TRHDE: variants seen among roughly 807,000 people sequenced by gnomAD.
TRHDE encodes the protein thyrotropin releasing hormone degrading enzyme, also known as thyrotropin-releasing hormone-degrading ectoenzyme.
Under a neutral mutation model 125.7 loss-of-function variants are expected in TRHDE, and 72 were observed. The ratio of observed to expected loss-of-function variants is 0.57; its 90% CI spans 0.47 to 0.70. The LOEUF (loss-of-function observed/expected upper bound fraction) is 0.70, where lower values mean the gene tolerates loss of function less well. TRHDE is among the 30% of genes least tolerant of loss of function. TRHDE has a pLI of 0.00. For missense variants in TRHDE, 1,110 were observed against 1,327.1 expected (o/e 0.84, Z 2.54); for synonymous variants, 509 against 509.1 (o/e 1.00, Z 0.00).
chr12:72,219,370 A>T (rs1382052878), intron 2 of TRHDE, among the ~76,000 whole-genome samples: 1 of 152,184 alleles, frequency 6.6e-6, no homozygotes. Flanking sequence ...GCAATAAATA[A>T]GACTAAGAAT....
intron 2 of TRHDE, among the ~76,000 whole-genome samples, chr12:72,176,228 G>C (rs1001373069): frequency 4.6e-5 from 7 of 152,162 alleles, no homozygotes; most frequent in Non-Finnish European, 7.4e-5. Flanking sequence ...CAAATTAGCT[G>C]GGTGTGGTGG....
chr12:72,115,414 T>A (rs1181274574), intron 2 of TRHDE, among the ~76,000 whole-genome samples: 1 of 152,130 alleles, frequency 6.6e-6, no homozygotes, highest in Non-Finnish European at 1.5e-5. Context: ...CTCCATTGCA[T>A]ATAAGTACCA....
intron 3 of TRHDE, among the ~76,000 whole-genome samples, chr12:72,390,397 G>C (rs960850680): frequency 5.3e-5 from 8 of 151,980 alleles, no homozygotes; most frequent in African/African-American, 1.9e-4. Flanking sequence ...GTCTAGCTGG[G>C]GATTACTGCT....
intron 17 of TRHDE, 41 bp downstream of exon 17, chr12:72,653,197 C>G: frequency 6.4e-7 from 1 of 1,559,408 alleles, no homozygotes; most frequent in Non-Finnish European, 8.7e-7. Flanking sequence ...AAATTAAAGC[C>G]GACATAGGAG....
intron 7 of TRHDE, among the ~76,000 whole-genome samples, chr12:72,559,480 A>G (rs976390354): frequency 6.6e-6 from 1 of 152,132 alleles, no homozygotes; most frequent in African/African-American, 2.4e-5. Flanking sequence ...GGCAGATGTA[A>G]TATATTCTTG....
intron 9 of TRHDE, among the ~76,000 whole-genome samples, chr12:72,564,868 G>A (rs1449958935): frequency 6.6e-6 from 1 of 151,524 alleles, no homozygotes; most frequent in Non-Finnish European, 1.5e-5. Flanking sequence ...GGGTTTCACC[G>A]TGTTAGCCAG....
intron 6 of TRHDE, among the ~76,000 whole-genome samples, chr12:72,521,647 A>G (rs904300982): frequency 2.6e-5 from 4 of 152,214 alleles, no homozygotes; most frequent in African/African-American, 9.6e-5. Context: ...GGTAAGTACT[A>G]TAAGCCCAAG....
At chr12:72,624,092 G>A (rs972149166) in intron 15 of TRHDE, among the ~76,000 whole-genome samples, 11 of 151,924 alleles carry the variant, frequency 7.2e-5, no homozygotes, top group Non-Finnish European at 1.6e-4. Flanking sequence ...GTCACCTCCT[G>A]CAGCGAGGAC....
At chr12:72,415,679 A>G (rs1261688425) in intron 3 of TRHDE, among the ~76,000 whole-genome samples, 2 of 151,798 alleles carry the variant, frequency 1.3e-5, no homozygotes, top group African/African-American at 4.8e-5. Context: ...ACTTAACACA[A>G]TATGCTCCAG....
At chr12:72,295,701 C>T (rs1475415095) in intron 2 of TRHDE, among the ~76,000 whole-genome samples, 1 of 152,072 alleles carries the variant, frequency 6.6e-6, no homozygotes, top group Non-Finnish European at 1.5e-5. Flanking sequence ...CAGGACTCTT[C>T]TGTGAAGTTT....
At chr12:72,642,310 ATTTGC>A (rs1874098373) in intron 15 of TRHDE, among the ~76,000 whole-genome samples, 1 of 152,202 alleles carries the variant, frequency 6.6e-6, no homozygotes, top group Non-Finnish European at 1.5e-5. Flanking sequence ...CTTCTAAAGC[ATTTGC>A]TTTGAGTAAG....
At chr12:72,472,721 C>T (rs943319755) in intron 4 of TRHDE, among the ~76,000 whole-genome samples, 1 of 152,212 alleles carries the variant, frequency 6.6e-6, no homozygotes, top group Admixed American at 6.5e-5. Context: ...TGTAGGGTCA[C>T]AAGAAACAAG....
At chr12:72,098,705 G>A (rs1216826405) in intron 1 of TRHDE, among the ~76,000 whole-genome samples, 1 of 152,170 alleles carries the variant, frequency 6.6e-6, no homozygotes, top group Non-Finnish European at 1.5e-5. Context: ...ACTGGAAGAT[G>A]AGAGACCATG....
intron 6 of TRHDE, among the ~76,000 whole-genome samples, chr12:72,521,784 G>C (rs1263719832): frequency 6.6e-6 from 1 of 152,138 alleles, no homozygotes; most frequent in Non-Finnish European, 1.5e-5. Flanking sequence ...TTCTGGAAGG[G>C]GGTCTGTCAC....
intron 2 of TRHDE, among the ~76,000 whole-genome samples, chr12:72,317,066 A>T (rs955844153): frequency 1.2e-4 from 18 of 152,230 alleles, no homozygotes; most frequent in Admixed American, 1.0e-3. Flanking sequence ...AGGAACTTTT[A>T]GTTTTCACAA....
chr12:72,491,427 A>T (rs1044687153), intron 5 of TRHDE, among the ~76,000 whole-genome samples: 13 of 151,940 alleles, frequency 8.6e-5, no homozygotes, highest in African/African-American at 3.1e-4. Flanking sequence ...CTGTATCAAT[A>T]TTGCTATATT....
chr12:72,599,121 C>T (rs1428075835), intron 12 of TRHDE, among the ~76,000 whole-genome samples: 1 of 151,908 alleles, frequency 6.6e-6, no homozygotes, highest in Non-Finnish European at 1.5e-5. Flanking sequence ...TTTATCTAAC[C>T]CACTGCTGAT....
At chr12:72,433,058 C>T (rs1182853301) in intron 3 of TRHDE, among the ~76,000 whole-genome samples, 4 of 152,040 alleles carry the variant, frequency 2.6e-5, no homozygotes, top group Non-Finnish European at 4.4e-5. Flanking sequence ...TCTATTGAGA[C>T]GACCATGTGA....
rs112992141 is a variant in TRHDE at position 72,185,659 on chromosome 12, C to T, written n.279+79907C>T. ...GTGGGGCCTTGGAGAACCTTTATGT[C>T]TAGCTCAGGGATTGTAAATACACCA... On this transcript the variant is annotated intron_variant and non_coding_transcript_variant, in intron 2 of 4. Transcript: ENST00000548156. 2.4e-3 allele frequency among the ~76,000 whole-genome samples: 355 copies of T among 151,006 alleles called. 3 individuals are homozygous for T. Among genetic ancestry groups the T allele is most frequent in the African/African-American group, 8.0e-3 (330 of 41,008 alleles).
Sources: allele counts gnomAD v4.1 joint callset (sites outside exome capture counted in the v4.1 genomes callset), GRCh38; gene constraint gnomAD v4.1.1; transcripts MANE v1.5; gene names NCBI Gene and HGNC (gene_info 2026-07-23, HGNC 2026-07-21).